METTL15: variants seen among roughly 807,000 people sequenced by gnomAD.
METTL15 encodes the protein methyltransferase 15, mitochondrial 12S rRNA N4-cytidine.
Under a neutral mutation model 38.3 loss-of-function variants are expected in METTL15, and 34 were observed. The observed-to-expected ratio is 0.89, with a 90% CI of 0.68 to 1.18. The LOEUF is 1.18. Among genes scored for constraint, METTL15 ranks in the 50% most tolerant of loss-of-function variants. The pLI, the probability that METTL15 is intolerant of heterozygous loss-of-function variation, is 0.00. For missense variants in METTL15, 438 were observed against 498.4 expected (o/e 0.88, Z 1.15); for synonymous variants, 162 against 170.9 (o/e 0.95, Z 0.41).
Position 28,243,016 on chromosome 11 carries a change from T to A in METTL15, c.407+31818T>A, listed in dbSNP as rs545915270. ...CCAGAACTGACCCTATGTATTTTTA[T>A]AATCTCCTTAATAATGAGAGACCTT... On this transcript the variant is annotated intron_variant, in intron 4 of 6. Transcript: ENST00000407364. 9.2e-5 allele frequency among the ~76,000 whole-genome samples: 14 copies of A among 152,098 alleles called. No homozygotes were observed. In the East Asian group the frequency reaches 2.7e-3, roughly 29 times the overall value.
intron 6 of METTL15, among the ~76,000 whole-genome samples, chr11:28,513,847 G>C (rs1364721124): frequency 6.6e-6 from 1 of 152,242 alleles, no homozygotes; most frequent in Non-Finnish European, 1.5e-5. Context: ...TTTCCGCCCT[G>C]GGCGGGCCAG....
At chr11:28,299,921 A>C (rs1856857579) in intron 6 of METTL15, among the ~76,000 whole-genome samples, 2 of 151,966 alleles carry the variant, frequency 1.3e-5, no homozygotes, top group South Asian at 4.1e-4. Flanking sequence ...CTGCCTCCAT[A>C]GTCACTTGGC....
At chr11:28,321,400 T>C (rs76904080) in intron 6 of METTL15, among the ~76,000 whole-genome samples, 3,798 of 152,276 alleles carry the variant, frequency 0.025, 63 homozygotes, top group Non-Finnish European at 0.028. Context: ...ACACAATGTT[T>C]TGTTAATAGA....
At chr11:28,180,017 C>G (rs1003098748) in intron 3 of METTL15, among the ~76,000 whole-genome samples, 4 of 151,650 alleles carry the variant, frequency 2.6e-5, no homozygotes, top group Admixed American at 2.0e-4. Flanking sequence ...CCCTGAGAAA[C>G]TCAAATGGTC....
At chr11:28,469,220 T>C (rs149225300) in intron 6 of METTL15, among the ~76,000 whole-genome samples, 9 of 150,410 alleles carry the variant, frequency 6.0e-5, no homozygotes, top group African/African-American at 2.2e-4. Flanking sequence ...AGCTTTTAAC[T>C]TAATACTTAC....
intron 4 of METTL15, among the ~76,000 whole-genome samples, chr11:28,216,579 T>C (rs976246637): frequency 2.6e-5 from 4 of 152,094 alleles, no homozygotes; most frequent in African/African-American, 9.7e-5. Context: ...TTTTTTATTA[T>C]ACTTTAAATT....
At chr11:28,311,185 G>A (rs1320962028) in intron 6 of METTL15, among the ~76,000 whole-genome samples, 1 of 151,984 alleles carries the variant, frequency 6.6e-6, no homozygotes, top group East Asian at 1.9e-4. Flanking sequence ...GCTACTTAAT[G>A]GTTATGTGAC....
At chr11:28,391,376 T>C (rs1436065204) in intron 5 of METTL15, among the ~76,000 whole-genome samples, 1 of 152,004 alleles carries the variant, frequency 6.6e-6, no homozygotes, top group East Asian at 1.9e-4. Context: ...TTGTCATAGA[T>C]AGCTCTTATT....
downstream of METTL15, among the ~76,000 whole-genome samples, chr11:28,529,333 T>C (rs1230231619): frequency 6.6e-6 from 1 of 152,146 alleles, no homozygotes; most frequent in East Asian, 1.9e-4. Flanking sequence ...CTCTGTCATC[T>C]GAAGCATGCA....
chr11:28,383,787 C>T (rs1003709451), intron 5 of METTL15, among the ~76,000 whole-genome samples: 1 of 151,978 alleles, frequency 6.6e-6, no homozygotes, highest in Non-Finnish European at 1.5e-5. Context: ...TATTAGTGTC[C>T]TTTGACCACT....
At chr11:28,408,366 T>C (rs2133410246) in intron 5 of METTL15, among the ~76,000 whole-genome samples, 1 of 152,262 alleles carries the variant, frequency 6.6e-6, no homozygotes, top group South Asian at 2.1e-4. Flanking sequence ...AAGAAAACCG[T>C]GCTAGCTAAA....
intron 4 of METTL15, among the ~76,000 whole-genome samples, chr11:28,217,467 C>G (rs1383593265): frequency 3.9e-5 from 6 of 152,096 alleles, no homozygotes; most frequent in African/African-American, 1.2e-4. Flanking sequence ...AGCCCTTTGT[C>G]AGATGAGTAG....
chr11:28,484,500 A>G (rs1851421790), intron 6 of METTL15, among the ~76,000 whole-genome samples: 1 of 151,908 alleles, frequency 6.6e-6, no homozygotes, highest in African/African-American at 2.4e-5. Context: ...GTTGTTTGGG[A>G]TTTCCATGTC....
In METTL15 at chr11:28,499,136, A is replaced by G. The variant is rs577211790; in HGVS notation, c.*425-27342A>G. Among the ~76,000 whole-genome samples the G allele has an allele frequency of 3.3e-5, 5 of 152,284 alleles. No homozygotes were observed. In the South Asian group the frequency reaches 6.2e-4, roughly 19 times the overall value. On this transcript the variant is annotated intron_variant and NMD_transcript_variant, in intron 6 of 7. Coordinates refer to the METTL15 transcript ENST00000532947. ...TGGCTTTCTACCTTGCCTCAGATTC[A>G]GGGGTCTACCTCAGGGGTCTGCTGG...
At chr11:28,453,852 CTGTT>C (rs556772667) in intron 6 of METTL15, among the ~76,000 whole-genome samples, 4 of 152,194 alleles carry the variant, frequency 2.6e-5, no homozygotes, top group African/African-American at 4.8e-5. Context: ...CCTGAAAAAT[CTGTT>C]TGGTTGGTTG....
chr11:28,530,052 T>A (rs1199245323), downstream of METTL15, among the ~76,000 whole-genome samples: 1 of 152,094 alleles, frequency 6.6e-6, no homozygotes, highest in East Asian at 1.9e-4. Flanking sequence ...GAAGAGGAAC[T>A]CAAATGTCTA....
intron 4 of METTL15, among the ~76,000 whole-genome samples, chr11:28,276,330 G>C (rs541823461): frequency 6.6e-6 from 1 of 151,894 alleles, no homozygotes; most frequent in Non-Finnish European, 1.5e-5. Flanking sequence ...AATCAAGAAG[G>C]CAATTCCACT....
At chr11:28,129,330 T>C (rs569719628) in intron 3 of METTL15, among the ~76,000 whole-genome samples, 68 of 152,326 alleles carry the variant, frequency 4.5e-4, no homozygotes, top group Middle Eastern at 3.4e-3. Flanking sequence ...AAAAACACAG[T>C]CATACTTTGA....
intron 3 of METTL15, among the ~76,000 whole-genome samples, chr11:28,122,497 A>T (rs1852294174): frequency 6.6e-6 from 1 of 151,326 alleles, no homozygotes; most frequent in Admixed American, 6.6e-5. Flanking sequence ...TGAAAATAAC[A>T]TATTTTTTCA....
Sources: gnomAD v4.1 joint callset for allele counts (sites outside exome capture counted in the v4.1 genomes callset) on GRCh38, gnomAD v4.1.1 for gene constraint, MANE v1.5 for transcripts, NCBI Gene and HGNC (gene_info 2026-07-23, HGNC 2026-07-21) for gene names.